SNAPC3: variants seen among roughly 807,000 people sequenced by gnomAD.
The protein encoded by SNAPC3 is snRNA-activating protein complex subunit 3.
A neutral mutation model predicts 47.7 loss-of-function variants in SNAPC3; 56 were observed. The observed-to-expected ratio is 1.18, with a 90% CI of 0.95 to 1.47. The LOEUF (loss-of-function observed/expected upper bound fraction) is 1.47. SNAPC3 is among the 40% of genes most tolerant of loss of function. The pLI is 0.00. For synonymous variants in SNAPC3, 235 were observed against 189.9 expected (o/e 1.24, Z -1.95); for missense variants, 665 against 511.3 (o/e 1.30, Z -2.90).
chr9:15,464,992 C>CT (rs1474206460), downstream of SNAPC3: 1 of 219,164 alleles, frequency 4.6e-6, no homozygotes, highest in Non-Finnish European at 9.2e-6. Context: ...ACAATGTAGA[C>CT]TGTGAGATTA....
chr9:15,437,846 A>G (rs192563828), intron 3 of SNAPC3, among the ~76,000 whole-genome samples: 2 of 152,184 alleles, frequency 1.3e-5, no homozygotes. Context: ...AATTAAACAC[A>G]TTTGACAAAA....
chr9:15,444,549 C>A, intron 3 of SNAPC3, 53 bp from the exon 4 acceptor site: 1 of 1,136,768 alleles, frequency 8.8e-7, no homozygotes, highest in Non-Finnish European at 1.3e-6. Flanking sequence ...TACCACACTG[C>A]ATCTTATCTG....
chr9:15,432,610 C>T (rs777845163), intron 2 of SNAPC3, among the ~76,000 whole-genome samples: 54 of 152,164 alleles, frequency 3.5e-4, no homozygotes, highest in Middle Eastern at 3.4e-3. Context: ...CCAATTTGAA[C>T]AACAAAATAG....
chr9:15,438,648 TGTTAAATTTCCA>T (rs2033043971), intron 3 of SNAPC3, among the ~76,000 whole-genome samples: 1 of 152,220 alleles, frequency 6.6e-6, no homozygotes, highest in African/African-American at 2.4e-5. Flanking sequence ...TGTCGAGTGT[TGTTAAATTTCCA>T]CATACTTGTG....
intron 3 of SNAPC3, among the ~76,000 whole-genome samples, chr9:15,437,953 GTGTCTTTGTC>G: frequency 6.6e-6 from 1 of 152,228 alleles, no homozygotes; most frequent in Non-Finnish European, 1.5e-5. Flanking sequence ...TTTTCCTGTA[GTGTCTTTGTC>G]TCACTGTGGT....
rs1231867438 is a variant in SNAPC3 at position 15,460,982 on chromosome 9, C to T, written c.*1116C>T. 1 of 152,068 alleles carries T rather than the reference C, an allele frequency of 6.6e-6. No individual in the cohort carries two copies. Among genetic ancestry groups the T allele is most frequent in the Non-Finnish European group, 1.5e-5 (1 of 68,010 alleles). 9.4% of individuals were successfully genotyped at this position (152,068 alleles called of 1,614,324 possible). On this transcript the variant is annotated 3_prime_UTR_variant, in exon 9 of 9. Transcript: ENST00000380821. ...GGAAAAATCAAGATCCTATTGATTGCTAGCTCTGGCTCACTTATTCTCCGG... is the reference window on the plus strand; with the variant it reads ...GGAAAAATCAAGATCCTATTGATTGTTAGCTCTGGCTCACTTATTCTCCGG...
chr9:15,425,280 G>A (rs1369842462), intron 2 of SNAPC3, among the ~76,000 whole-genome samples: 3 of 152,076 alleles, frequency 2.0e-5, no homozygotes, highest in African/African-American at 4.8e-5. Flanking sequence ...GTGCAGTGGC[G>A]TGATCTCTGC....
intron 2 of SNAPC3, among the ~76,000 whole-genome samples, chr9:15,426,140 C>T (rs2031362321): frequency 6.6e-6 from 1 of 152,194 alleles, no homozygotes; most frequent in Non-Finnish European, 1.5e-5. Context: ...AGATATGAGC[C>T]ACCGCACCTG....
At chr9:15,461,806 G>C (rs752186859), downstream of SNAPC3, 2 of 152,124 alleles carry the variant, frequency 1.3e-5, no homozygotes, top group Non-Finnish European at 2.9e-5. Flanking sequence ...CGAGTTTCTG[G>C]TATGTCTAGT....
At chr9:15,442,625 G>A (rs2033568406) in intron 3 of SNAPC3, among the ~76,000 whole-genome samples, 1 of 152,094 alleles carries the variant, frequency 6.6e-6, no homozygotes, top group African/African-American at 2.4e-5. Context: ...CGGCCGGGCA[G>A]AGACGCTCCT....
chr9:15,431,217 C>T (rs1358569554), intron 2 of SNAPC3, among the ~76,000 whole-genome samples: 4 of 152,110 alleles, frequency 2.6e-5, no homozygotes, highest in Non-Finnish European at 5.9e-5. Context: ...ACAGGTTTTC[C>T]TAGTGCCCTT....
intron 2 of SNAPC3, chr9:15,432,105 C>T (rs74881449): frequency 6.6e-6 from 1 of 152,010 alleles, no homozygotes; most frequent in African/African-American, 2.4e-5. Flanking sequence ...TATGTATTTA[C>T]TAGAATTGAA....
At chr9:15,442,213 C>G (rs922266118) in intron 3 of SNAPC3, among the ~76,000 whole-genome samples, 1 of 147,928 alleles carries the variant, frequency 6.8e-6, no homozygotes, top group Non-Finnish European at 1.5e-5. Context: ...TGCCCCCCAC[C>G]TCCCTCCGGG....
intron 2 of SNAPC3, among the ~76,000 whole-genome samples, chr9:15,425,130 G>GATTT (rs1427802857): frequency 6.6e-6 from 1 of 152,152 alleles, no homozygotes; most frequent in Admixed American, 6.5e-5. Context: ...TGCCTTTCCA[G>GATTT]ATTTATTTTC....
At position 15,460,910 on chromosome 9, in the gene SNAPC3, C is replaced by T. The variant is rs41268957; in HGVS notation, c.*1044C>T. On this transcript the variant is annotated 3_prime_UTR_variant, in exon 9 of 9. Coordinates refer to ENST00000380821, the MANE Select transcript of SNAPC3 (RefSeq NM_001039697.2). ...GAGTTTAAAATATGTCAATTTAATA[C>T]TATGATTTAAAAAACAATAGCAGAT... 2 of 152,116 alleles carry T rather than the reference C, an allele frequency of 1.3e-5. No individual in the cohort carries two copies. Among genetic ancestry groups the T allele is most frequent in the East Asian group, 1.9e-4 (1 of 5,176 alleles). 9.4% of individuals were successfully genotyped at this position (152,116 alleles called of 1,614,324 possible).
At chr9:15,432,946 G>A (rs2032347115) in intron 2 of SNAPC3, among the ~76,000 whole-genome samples, 1 of 152,174 alleles carries the variant, frequency 6.6e-6, no homozygotes, top group Non-Finnish European at 1.5e-5. Context: ...AAAATAAGGT[G>A]TCTTTCTGGT....
chr9:15,433,028 G>A (rs544296846), intron 2 of SNAPC3, among the ~76,000 whole-genome samples: 1 of 152,236 alleles, frequency 6.6e-6, no homozygotes, highest in Admixed American at 6.5e-5. Flanking sequence ...TGAACATCTT[G>A]ATATGATATA....
rs570852405 is a variant in SNAPC3, at chr9:15,460,424, C to T, written c.*558C>T. On this transcript the variant is annotated 3_prime_UTR_variant, in exon 9 of 9. Coordinates refer to ENST00000380821, the MANE Select transcript of SNAPC3 (RefSeq NM_001039697.2). Reference sequence around the variant, plus strand: ...TTATTTTTTGAGACAAAATCTCGCTCTTGTTGCCCAGGCTGGAATACAGTG... The same window carrying T: ...TTATTTTTTGAGACAAAATCTCGCTTTTGTTGCCCAGGCTGGAATACAGTG... The T allele has an allele frequency of 1.3e-5, 2 of 152,302 alleles. No individual in the cohort carries two copies. Among genetic ancestry groups the T allele is most frequent in the South Asian group, 4.2e-4 (2 of 4,808 alleles). 9.4% of individuals were successfully genotyped at this position (152,302 alleles called of 1,614,324 possible). A position where few individuals can be genotyped will look rare whatever the true frequency, so the allele number is the denominator to read the frequency against.
At position 15,460,572 on chromosome 9, in the gene SNAPC3, G is replaced by A. The variant is rs533886160; in HGVS notation, c.*706G>A. ...TGCCTGGCTAATTTTTGTATTTTTA[G>A]TAGAGACGGGGTTTCACCATGTTGG... On this transcript the variant is annotated 3_prime_UTR_variant, in exon 9 of 9. Transcript: ENST00000380821. 2 of 152,246 alleles carry A rather than the reference G, an allele frequency of 1.3e-5. No homozygotes were observed. Among genetic ancestry groups the A allele is most frequent in the South Asian group, 4.1e-4 (2 of 4,836 alleles). The allele number at this position is 152,246 out of a possible 1,614,324, so 9.4% of individuals were successfully genotyped here. A position where few individuals can be genotyped will look rare whatever the true frequency, so the allele number is the denominator to read the frequency against.
Sources: gnomAD v4.1 joint callset for allele counts (sites outside exome capture counted in the v4.1 genomes callset) on GRCh38, gnomAD v4.1.1 for gene constraint, MANE v1.5 for transcripts, NCBI Gene and HGNC (gene_info 2026-07-23, HGNC 2026-07-21) for gene names.